Variants in DNAH8 observed in about 807,000 individuals in gnomAD.
DNAH8 encodes the protein axonemal beta dynein heavy chain 8.
DNAH8 carries 382 observed loss-of-function variants against 562.1 expected under a neutral mutation model. The ratio of observed to expected loss-of-function variants is 0.68; its 90% CI spans 0.63 to 0.74. The LOEUF is 0.74. Among genes scored for constraint, DNAH8 ranks in the 30% least tolerant of loss-of-function variants. The pLI is 0.00. For synonymous variants in DNAH8, 1,881 were observed against 1,919.4 expected (o/e 0.98, Z 0.52); for missense variants, 5,203 against 5,620.4 (o/e 0.93, Z 2.37).
chr6:38,749,974 AGGC>A (rs1048996467), intron 8 of DNAH8, among the ~76,000 whole-genome samples: 1 of 152,148 alleles, frequency 6.6e-6, no homozygotes, highest in African/African-American at 2.4e-5. Flanking sequence ...CTGGGCCTAC[AGGC>A]GCCCGCCGCC....
intron 58 of DNAH8, 34 bp downstream of exon 58, chr6:38,890,795 G>A (rs1363828485): frequency 1.4e-6 from 2 of 1,443,452 alleles, no homozygotes; most frequent in East Asian, 2.3e-5. Context: ...TTTTAAAAAG[G>A]CAACTATTAT....
intron 32 of DNAH8, among the ~76,000 whole-genome samples, chr6:38,836,132 C>T (rs936307870): frequency 3.3e-5 from 5 of 152,072 alleles, no homozygotes; most frequent in East Asian, 1.9e-4. Flanking sequence ...AACTACTTAT[C>T]GAAGGAGGGC....
At position 38,789,703 on chromosome 6, in the gene DNAH8, C is replaced by T. The variant is rs75092358; in HGVS notation, c.2584-100C>T. 364 of 803,156 alleles carry T rather than the reference C, an allele frequency of 4.5e-4. No homozygotes were observed. The African/African-American group carries it at 5.0e-3, about 11-fold the overall frequency. The allele number at this position is 803,156 out of a possible 1,614,324, so 49.8% of individuals were successfully genotyped here. A position where few individuals can be genotyped will look rare whatever the true frequency, so the allele number is the denominator to read the frequency against. On this transcript the variant is annotated intron_variant, in intron 18 of 92. Transcript: ENST00000327475. ...GGCAGCTGTCATGATGACAGGACTA[C>T]GAGGAAACTGGGATTATGAAACCTT...
At chr6:38,715,952 A>ATTT (rs1562521236) in intron 1 of DNAH8, among the ~76,000 whole-genome samples, 6 of 25,698 alleles carry the variant, frequency 2.3e-4, no homozygotes, top group African/African-American at 9.0e-4. Context: ...ATATATATAT[A>ATTT]TATATATATT....
In DNAH8 at chr6:39,012,482, C is replaced by T. The variant is rs1766282238; in HGVS notation, c.13559C>T (p.Ala4520Val). ...GATGCTCTGGACAACATGTATGATG[C>T]TCGTATACCTCAGCTCTGGAAAAGA... ...LRDALDNMYD[A>V]RIPQLWKRVS... is the part of the protein sequence containing the mutation. Residue 4520 changes from alanine (A) to valine (V), a missense_variant, in exon 91 of 93, where the codon GCT (alanine) becomes GTT (valine). Physicochemically the swap from Ala to Val is moderately conservative, Grantham distance 64. Transcript: ENST00000327475. The T allele has an allele frequency of 6.2e-7, 1 of 1,614,062 alleles. No homozygotes were observed.
rs1583092138 is a variant in DNAH8, at chr6:38,819,627, ATAGTT to A, written c.3524-3208_3524-3204del. On this transcript the variant is annotated intron_variant, in intron 26 of 92. Coordinates refer to ENST00000327475, the MANE Select transcript of DNAH8 (RefSeq NM_001206927.2). ...AGCCCACTATTATCATTTTTATTTG[ATAGTT>A]TACTAGAGATCTTCATTATGAAATA... Among the ~76,000 whole-genome samples, 3 of 152,242 alleles carry A rather than the reference ATAGTT, an allele frequency of 2.0e-5. 1 individual carries two copies. In the East Asian group the frequency reaches 5.8e-4, roughly 29 times the overall value.
chr6:38,757,372 GT>G (rs1179048270), intron 10 of DNAH8, among the ~76,000 whole-genome samples: 95 of 150,678 alleles, frequency 6.3e-4, no homozygotes, highest in African/African-American at 2.2e-3. Flanking sequence ...GGGGTTGTTT[GT>G]TTTTTTCTTG....
chr6:38,776,268 A>T (rs1450146039), intron 13 of DNAH8, among the ~76,000 whole-genome samples: 1 of 149,036 alleles, frequency 6.7e-6, no homozygotes. Flanking sequence ...CCCGGGCTAG[A>T]GTGCAGTGGA....
intron 70 of DNAH8, among the ~76,000 whole-genome samples, chr6:38,920,465 C>T (rs1781615171): frequency 6.6e-6 from 1 of 152,116 alleles, no homozygotes; most frequent in South Asian, 2.1e-4. Flanking sequence ...TTACAGGAAG[C>T]AGATCATTAC....
intron 91 of DNAH8, among the ~76,000 whole-genome samples, chr6:39,023,740 G>C (rs761385): frequency 0.8 from 122,431 of 152,188 alleles, 49,958 homozygotes; most frequent in Middle Eastern, 0.88. Context: ...GGATCATGCT[G>C]TCTTTAGGAA....
rs781390216 is a variant in DNAH8, at chr6:38,984,234, T to C, written c.12980T>C (p.Met4327Thr). Residue 4327 changes from methionine (M) to threonine (T), a missense_variant, in exon 87 of 93, where the codon ATG becomes ACG. This residue lies in a region of DNAH8 where 1,399 missense variants were observed against 1,518.4 expected (regional missense o/e 0.92). Transcript: ENST00000327475. ...KGVSWNTVRY[M>T]IGEVQYGGRV... The stretch of plus-strand genomic sequence containing the variant: ...GTATCATGGAATACGGTTCGGTACA[T>C]GATCGGAGAAGTACAATATGGAGGC... The C allele has an allele frequency of 6.2e-7, 1 of 1,607,266 alleles. No individual in the cohort carries two copies. The highest frequency in any genetic ancestry group is 1.1e-5 in the South Asian group (1 of 90,882).
At chr6:38,934,659 G>C (rs1782811177) in intron 76 of DNAH8, among the ~76,000 whole-genome samples, 1 of 152,172 alleles carries the variant, frequency 6.6e-6, no homozygotes, top group Admixed American at 6.5e-5. Flanking sequence ...TGTAGACTCT[G>C]TGTTTAGTGA....
intron 59 of DNAH8, among the ~76,000 whole-genome samples, chr6:38,895,080 C>A (rs1779589365): frequency 6.6e-6 from 1 of 152,084 alleles, no homozygotes; most frequent in African/African-American, 2.4e-5. Context: ...AGGCATGCAC[C>A]ACCATGGCCG....
In DNAH8 at chr6:38,857,715, G is replaced by A. The variant is rs1358279971; in HGVS notation, c.5931G>A (p.Val1977=). The part of the protein sequence containing the change: ...VKFETLITIH[V]HQRDIFDDLV... ...TCGAGACTCTAATTACCATCCATGT[G>A]CATCAGAGAGATATTTTTGATGACT... Residue 1977 remains valine (V), a synonymous_variant, in exon 42 of 93, where the codon GTG becomes GTA. Coordinates refer to ENST00000327475, the MANE Select transcript of DNAH8 (RefSeq NM_001206927.2). The A allele has an allele frequency of 6.2e-6, 10 of 1,610,192 alleles. No homozygotes were observed. Among genetic ancestry groups the A allele is most frequent in the African/African-American group, 2.7e-5 (2 of 74,774 alleles).
intron 88 of DNAH8, among the ~76,000 whole-genome samples, chr6:39,008,235 C>CT (rs1334095366): frequency 6.6e-6 from 1 of 152,042 alleles, no homozygotes; most frequent in African/African-American, 2.4e-5. Flanking sequence ...CATGGTAAAT[C>CT]TTTATTGAAT....
chr6:38,722,690 C>A, intron 1 of DNAH8, 86 bp from the exon 2 acceptor site: 1 of 1,112,354 alleles, frequency 9.0e-7, no homozygotes, highest in Non-Finnish European at 1.2e-6. Context: ...AATGATTTTG[C>A]TACTTGTCTA....
intron 76 of DNAH8, among the ~76,000 whole-genome samples, chr6:38,934,972 A>G (rs1218469817): frequency 6.6e-6 from 1 of 152,230 alleles, no homozygotes; most frequent in Non-Finnish European, 1.5e-5. Context: ...AATGCTTGAA[A>G]TTTTTTCAAA....
Position 38,734,459 on chromosome 6 carries a change from G to T in DNAH8, c.611-15G>T. 1 of 1,612,126 alleles carries T rather than the reference G, an allele frequency of 6.2e-7. No homozygotes were observed. The highest frequency in any genetic ancestry group is 1.1e-5 in the South Asian group (1 of 90,936). On this transcript the variant is annotated splice_polypyrimidine_tract_variant and intron_variant, in intron 4 of 92. Coordinates refer to ENST00000327475, the MANE Select transcript of DNAH8 (RefSeq NM_001206927.2). The stretch of plus-strand genomic sequence containing the variant: ...TTGTGTGATTATACGCTAAGTTCTT[G>T]ACTTTTGTTTTCAGAATGTGGTCGA...
intron 82 of DNAH8, among the ~76,000 whole-genome samples, chr6:38,959,730 A>G (rs1352979841): frequency 6.6e-6 from 1 of 152,116 alleles, no homozygotes; most frequent in East Asian, 1.9e-4. Flanking sequence ...ATCTTTATCA[A>G]AATACCAATG....
Sources: allele counts gnomAD v4.1 joint callset (sites outside exome capture counted in the v4.1 genomes callset), GRCh38; gene constraint gnomAD v4.1.1; regional missense constraint gnomAD v4.1.1; transcripts MANE v1.5; gene names NCBI Gene and HGNC (gene_info 2026-07-23, HGNC 2026-07-21).